The following MIGA2 variants were observed in gnomAD, a reference collection of about 807,000 sequenced individuals.
The protein encoded by MIGA2 is family with sequence similarity 73, member B.
A neutral mutation model predicts 69.9 loss-of-function variants in MIGA2; 36 were observed. The ratio of observed to expected loss-of-function variants is 0.52; its 90% CI spans 0.39 to 0.68. The LOEUF (loss-of-function observed/expected upper bound fraction) is 0.68. Among genes scored for constraint, MIGA2 ranks in the 30% least tolerant of loss-of-function variants. The pLI, the probability that MIGA2 is intolerant of heterozygous loss-of-function variation, is 0.00. For missense variants in MIGA2, 660 were observed against 787.7 expected (o/e 0.84, Z 1.94); for synonymous variants, 333 against 349.2 (o/e 0.95, Z 0.52).
intron 3 of MIGA2, among the ~76,000 whole-genome samples, chr9:129,046,355 T>A (rs1845221449): frequency 6.6e-6 from 1 of 152,062 alleles, no homozygotes; most frequent in Non-Finnish European, 1.5e-5. Context: ...ATATTGGCCA[T>A]GTATAGTGGC....
intron 3 of MIGA2, among the ~76,000 whole-genome samples, chr9:129,045,472 A>C: frequency 6.6e-6 from 1 of 151,298 alleles, no homozygotes; most frequent in Admixed American, 6.6e-5. Context: ...AAAAAAGCAA[A>C]AGTAGACCGG....
At chr9:129,065,810 C>T (rs1846310245) in intron 11 of MIGA2, among the ~76,000 whole-genome samples, 1 of 152,108 alleles carries the variant, frequency 6.6e-6, no homozygotes, top group African/African-American at 2.4e-5. Context: ...CTTCTCTGTC[C>T]CCAGGAGGTC....
rs1171451005 is a variant in MIGA2, at chr9:129,068,797, C to A, written c.1405-279C>A. 2.0e-6 allele frequency: 1 copy of A among 505,818 alleles called. No individual in the cohort carries two copies. Among genetic ancestry groups the A allele is most frequent in the Non-Finnish European group, 3.6e-6 (1 of 278,600 alleles). The allele number at this position is 505,818 out of a possible 1,614,324, so 31.3% of individuals were successfully genotyped here. On this transcript the variant is annotated intron_variant, in intron 13 of 15. Transcript: ENST00000684074. The surrounding 1 kb of genome is among the most constrained non-coding windows in gnomAD (Gnocchi z 4.1). ...AGGCGGGAACCATTGCTCCCACAACCACCAAAGGAGGTGGGAGTGCTGTGT... is the reference window on the plus strand; with the variant it reads ...AGGCGGGAACCATTGCTCCCACAACAACCAAAGGAGGTGGGAGTGCTGTGT...
rs367760435 is a variant in MIGA2 at position 129,070,462 on chromosome 9, C to T, written c.*9C>T. 552 of 1,541,724 alleles carry T rather than the reference C, an allele frequency of 3.6e-4. 6 individuals carry two copies. Among genetic ancestry groups the T allele is most frequent in the Middle Eastern group, 1.9e-3 (9 of 4,820 alleles). On this transcript the variant is annotated 3_prime_UTR_variant, in exon 16 of 16. Coordinates refer to ENST00000684074, the MANE Select transcript of MIGA2 (RefSeq NM_001329990.2). Reference sequence around the variant, plus strand: ...TGGGGGAGCTGCAGTAGAGGCGGCACGGGCTGGGGGGTGGCAGAGAGAAGG... The same window carrying T: ...TGGGGGAGCTGCAGTAGAGGCGGCATGGGCTGGGGGGTGGCAGAGAGAAGG...
intron 3 of MIGA2, chr9:129,047,229 C>T (rs1845274952): frequency 6.6e-6 from 1 of 151,946 alleles, no homozygotes; most frequent in Non-Finnish European, 1.5e-5. Flanking sequence ...AAACAGGTGC[C>T]ACCATACCTG....
In MIGA2 at chr9:129,061,404, C is replaced by A; in HGVS notation, c.1010+58C>A. 6.7e-7 allele frequency: 1 copy of A among 1,486,078 alleles called. No individual in the cohort carries two copies. Among genetic ancestry groups the A allele is most frequent in the Non-Finnish European group, 9.2e-7 (1 of 1,089,368 alleles). The allele number at this position is 1,486,078 out of a possible 1,614,324, so 92.1% of individuals were successfully genotyped here. On this transcript the variant is annotated intron_variant, in intron 9 of 15. Coordinates refer to ENST00000684074, the MANE Select transcript of MIGA2 (RefSeq NM_001329990.2). The surrounding 1 kb of genome is among the most constrained non-coding windows in gnomAD (Gnocchi z 5.0). ...CAGGAGGCGATGGGTGATTCTGGCCCTTGCGGGAGGCGGAGAAGCCAGCGG... is the reference window on the plus strand; with the variant it reads ...CAGGAGGCGATGGGTGATTCTGGCCATTGCGGGAGGCGGAGAAGCCAGCGG...
At chr9:129,056,471 T>TC (rs1845802165) in intron 6 of MIGA2, among the ~76,000 whole-genome samples, 2 of 152,012 alleles carry the variant, frequency 1.3e-5, no homozygotes, top group African/African-American at 4.8e-5. Flanking sequence ...GACTGGCCCA[T>TC]GGTGGCCACC....
intron 6 of MIGA2, among the ~76,000 whole-genome samples, chr9:129,053,810 T>G (rs1006902423): frequency 5.3e-5 from 8 of 151,842 alleles, no homozygotes; most frequent in Non-Finnish European, 1.2e-4. Flanking sequence ...CTGGGCAACA[T>G]AGTGAGACTC....
Position 129,070,273 on chromosome 9 carries a change from C to CA in MIGA2, c.1603dup (p.Met535AsnfsTer82). 6.2e-7 allele frequency: 1 copy of CA among 1,613,070 alleles called. No homozygotes were observed. The highest frequency in any genetic ancestry group is 8.5e-7 in the Non-Finnish European group (1 of 1,179,976). Reference sequence around the variant, plus strand: ...ACCAGATTGTGCAGTACCTGAGGGACATGTTCGACCTGGACAATGTGCGCT... The same window carrying CA: ...ACCAGATTGTGCAGTACCTGAGGGACAATGTTCGACCTGGACAATGTGCGCT... On this transcript the variant is annotated frameshift_variant, in exon 16 of 16. Coordinates refer to ENST00000684074, the MANE Select transcript of MIGA2 (RefSeq NM_001329990.2). LOFTEE classifies it high-confidence loss of function.
In MIGA2 at chr9:129,049,422, G is replaced by A. The variant is rs1380473146; in HGVS notation, c.462G>A (p.Ser154=). 2.5e-6 allele frequency: 4 copies of A among 1,613,266 alleles called. No individual in the cohort carries two copies. Among genetic ancestry groups the A allele is most frequent in the East Asian group, 4.5e-5 (2 of 44,890 alleles). ...CATCCAGCCCCACAGCCGCGTGCTC[G>A]GGACTATGGGATGCCAGAGGGATGG... ...VNSSSPTAAC[S]GLWDARGMEE... The change falls in exon 5 of 16, where the codon TCG becomes TCA. Residue 154 remains serine (S), a synonymous_variant. Coordinates refer to ENST00000684074, the MANE Select transcript of MIGA2 (RefSeq NM_001329990.2).
At chr9:129,043,062 C>T (rs907112236) in intron 3 of MIGA2, among the ~76,000 whole-genome samples, 8 of 151,822 alleles carry the variant, frequency 5.3e-5, no homozygotes, top group Non-Finnish European at 1.2e-4. Flanking sequence ...GGCATGGTGA[C>T]GGGCACCTGT....
intron 6 of MIGA2, among the ~76,000 whole-genome samples, chr9:129,055,994 C>T (rs1845774949): frequency 6.6e-6 from 1 of 150,754 alleles, no homozygotes; most frequent in African/African-American, 2.4e-5. Context: ...ACAATAAATA[C>T]AAAAATATTT....
chr9:129,062,839 G>A (rs1361063614), intron 9 of MIGA2, among the ~76,000 whole-genome samples: 9 of 150,790 alleles, frequency 6.0e-5, no homozygotes, highest in East Asian at 3.9e-4. Context: ...ACGAGACTCC[G>A]TCTAAAAAAA....
chr9:129,050,067 C>G (rs1588384333), intron 6 of MIGA2, 104 bp downstream of exon 6: 7 of 1,425,464 alleles, frequency 4.9e-6, no homozygotes, highest in Non-Finnish European at 6.6e-6. Flanking sequence ...TCCTCTGAGA[C>G]TGCTGATTTC....
At chr9:129,048,946 A>G (rs1174193580) in intron 4 of MIGA2, among the ~76,000 whole-genome samples, 1 of 152,118 alleles carries the variant, frequency 6.6e-6, no homozygotes, top group Admixed American at 6.6e-5. Flanking sequence ...CCCAGCTATG[A>G]GCCAGGCTGG....
chr9:129,053,455 C>T (rs1274744488), intron 6 of MIGA2, among the ~76,000 whole-genome samples: 1 of 151,114 alleles, frequency 6.6e-6, no homozygotes, highest in African/African-American at 2.4e-5. Context: ...CTTCTGTCTC[C>T]CAGGTTCAAG....
At chr9:129,040,350 G>T in intron 1 of MIGA2, 102 bp from the exon 2 acceptor site, 1 of 842,462 alleles carries the variant, frequency 1.2e-6, no homozygotes, top group Non-Finnish European at 1.6e-6. Context: ...CCAGAGGCAA[G>T]CTTTGCTCCT....
rs879588566 is a variant in MIGA2, at chr9:129,060,217, G to A, written c.794-333G>A. 6.6e-6 allele frequency among the ~76,000 whole-genome samples: 1 copy of A among 152,100 alleles called. No individual in the cohort carries two copies. The highest frequency in any genetic ancestry group is 2.4e-5 in the African/African-American group (1 of 41,428). ...TTTCCCCGGGGCCACACAGTTCAAGGTCCTCCCCCTGCAGAGCTTGGGCCT... is the reference window on the plus strand; with the variant it reads ...TTTCCCCGGGGCCACACAGTTCAAGATCCTCCCCCTGCAGAGCTTGGGCCT... On this transcript the variant is annotated intron_variant, in intron 7 of 15. Transcript: ENST00000684074. The surrounding 1 kb of genome is among the most constrained non-coding windows in gnomAD (Gnocchi z 4.8).
In MIGA2 at chr9:129,069,230, C is replaced by A; in HGVS notation, c.1458+101C>A. 1 of 1,426,006 alleles carries A rather than the reference C, an allele frequency of 7.0e-7. No homozygotes were observed. The highest frequency in any genetic ancestry group is 9.8e-7 in the Non-Finnish European group (1 of 1,017,960). The allele number at this position is 1,426,006 out of a possible 1,614,324, so 88.3% of individuals were successfully genotyped here. A position where few individuals can be genotyped will look rare whatever the true frequency, so the allele number is the denominator to read the frequency against. ...GTGGCTCGCTGGGCCACTTGGCCTT[C>A]ACCGCTCACAGTCCTGGCCCCCTTG... On this transcript the variant is annotated intron_variant, in intron 14 of 15. Coordinates refer to ENST00000684074, the MANE Select transcript of MIGA2 (RefSeq NM_001329990.2). This position sits in a 1 kb window ranked among gnomAD's most constrained non-coding sequence, Gnocchi z 4.9.
Sources: allele counts gnomAD v4.1 joint callset (sites outside exome capture counted in the v4.1 genomes callset), GRCh38; gene constraint gnomAD v4.1.1; non-coding constraint Gnocchi (gnomAD v3.1); transcripts MANE v1.5; gene names NCBI Gene and HGNC (gene_info 2026-07-23, HGNC 2026-07-21).